The following GTSE1 variants were observed in gnomAD, a reference collection of about 807,000 sequenced individuals.
GTSE1 encodes the protein G2 and S phase-expressed protein 1.
In GTSE1, 52 loss-of-function variants were observed where a neutral mutation model predicts 60.5. The observed-to-expected ratio is 0.86, with a 90% CI of 0.69 to 1.08. The LOEUF (loss-of-function observed/expected upper bound fraction) is 1.08, where lower values mean the gene tolerates loss of function less well. Ranked by LOEUF, GTSE1 falls within the 50% of genes least tolerant of loss-of-function variation. The pLI is 0.00. For synonymous variants in GTSE1, 368 were observed against 386.5 expected (o/e 0.95, Z 0.56); for missense variants, 937 against 961.8 (o/e 0.97, Z 0.34).
rs762844693 is a variant in GTSE1, at chr22:46,316,190, G to A, written c.1210G>A (p.Glu404Lys). 13 of 1,613,676 alleles carry A rather than the reference G, an allele frequency of 8.1e-6. No homozygotes were observed. Among genetic ancestry groups the A allele is most frequent in the Non-Finnish European group, 9.3e-6 (11 of 1,179,922 alleles). The change falls in exon 7 of 12, where the codon GAG becomes AAG. Residue 404 changes from glutamate (E) to lysine (K), a missense_variant. Coordinates refer to ENST00000454366, the MANE Select transcript of GTSE1 (RefSeq NM_016426.7). This position sits in a 1 kb window ranked among gnomAD's most constrained non-coding sequence, Gnocchi z 5.0. ...GCAGGCCAAGCGGGTCGATGTTTCT[G>A]AGCTGGCAGCGGAGCAGCTCACGGC... ...SWQAKRVDVS[E>K]LAAEQLTAPP...
Position 46,310,754 on chromosome 22 carries a change from C to T in GTSE1, c.763-1387C>T, listed in dbSNP as rs2077743546. On this transcript the variant is annotated intron_variant, in intron 4 of 11. Transcript: ENST00000454366. This position sits in a 1 kb window ranked among gnomAD's most constrained non-coding sequence, Gnocchi z 4.4. The stretch of plus-strand genomic sequence containing the variant: ...GCCCAGCCCGGCCAACATGGTGAAA[C>T]CCCGTCTCTACAAAAAAATACAAAA... Among the ~76,000 whole-genome samples the T allele has an allele frequency of 6.6e-6, 1 of 152,208 alleles. No individual in the cohort carries two copies. The highest frequency in any genetic ancestry group is 2.4e-5 in the African/African-American group (1 of 41,442).
intron 4 of GTSE1, among the ~76,000 whole-genome samples, chr22:46,311,070 T>TG (rs2077745573): frequency 2.6e-5 from 4 of 151,822 alleles, no homozygotes; most frequent in African/African-American, 9.7e-5. Flanking sequence ...TTGTTTTTTT[T>TG]TTTGTTTTGT....
At position 46,308,741 on chromosome 22, in the gene GTSE1, C is replaced by T. The variant is rs760065053; in HGVS notation, c.560C>T (p.Ser187Phe). The T allele has an allele frequency of 1.3e-5, 21 of 1,613,242 alleles. No individual in the cohort carries two copies. In the East Asian group the frequency reaches 4.5e-4, roughly 34 times the overall value. Residue 187 changes from serine (S) to phenylalanine (F), a missense_variant, in exon 4 of 12, where the codon TCC (serine) becomes TTC (phenylalanine). Transcript: ENST00000454366. ...GGTGAGCCTCGGCTCTTGGCCTCCT[C>T]CCCGGCCCTGCCCAGCTCTGGTGCC... is the stretch of plus-strand genomic sequence containing the variant. ...PVGEPRLLAS[S>F]PALPSSGAQA...
In GTSE1 at chr22:46,330,231, T is replaced by C. The variant is rs936760638; in HGVS notation, c.*101T>C. 3 of 734,364 alleles carry C rather than the reference T, an allele frequency of 4.1e-6. No individual in the cohort carries two copies. In the African/African-American group the frequency reaches 5.2e-5, roughly 13 times the overall value. The allele number at this position is 734,364 out of a possible 1,614,324, so 45.5% of individuals were successfully genotyped here. ...TCGCAGTGGCTTACACTTGTAACCC[T>C]AGAACTTGGGAGGCTGAGGTGGGCG... On this transcript the variant is annotated 3_prime_UTR_variant, in exon 12 of 12. Coordinates refer to ENST00000454366, the MANE Select transcript of GTSE1 (RefSeq NM_016426.7). The surrounding 1 kb of genome is among the most constrained non-coding windows in gnomAD (Gnocchi z 6.0).
chr22:46,314,800 C>A lies in GTSE1; in HGVS notation c.1051+787C>A, dbSNP rs1271913275. 6.8e-6 allele frequency among the ~76,000 whole-genome samples: 1 copy of A among 146,194 alleles called. No individual in the cohort carries two copies. Among genetic ancestry groups the A allele is most frequent in the Non-Finnish European group, 1.5e-5 (1 of 67,408 alleles). ...CTGGGCCACGAGAATGGCTTGAACGCGGGAGGCAGAGGTTACCATGAGCCG... is the reference window on the plus strand; with the variant it reads ...CTGGGCCACGAGAATGGCTTGAACGAGGGAGGCAGAGGTTACCATGAGCCG... On this transcript the variant is annotated intron_variant, in intron 6 of 11. Coordinates refer to ENST00000454366, the MANE Select transcript of GTSE1 (RefSeq NM_016426.7). This position sits in a 1 kb window ranked among gnomAD's most constrained non-coding sequence, Gnocchi z 7.1.
At chr22:46,299,054 C>T (rs543628182) in intron 2 of GTSE1, among the ~76,000 whole-genome samples, 14 of 152,350 alleles carry the variant, frequency 9.2e-5, no homozygotes, top group Middle Eastern at 6.8e-3. Context: ...CAGTCGTTGA[C>T]GACTTCCACA....
At position 46,329,198 on chromosome 22, in the gene GTSE1, C is replaced by T. The variant is rs979743961; in HGVS notation, c.1927-160C>T. 1.7e-5 allele frequency: 12 copies of T among 709,836 alleles called. No individual in the cohort carries two copies. Among genetic ancestry groups the T allele is most frequent in the South Asian group, 4.8e-5 (3 of 62,548 alleles). The allele number at this position is 709,836 out of a possible 1,614,324, so 44.0% of individuals were successfully genotyped here. On this transcript the variant is annotated intron_variant, in intron 10 of 11. Coordinates refer to ENST00000454366, the MANE Select transcript of GTSE1 (RefSeq NM_016426.7). The surrounding 1 kb of genome is among the most constrained non-coding windows in gnomAD (Gnocchi z 6.4). ...GAGGTGGGCAACAGTCAGAGAGGCA[C>T]GGCCCACCCCATACAGAGCCTCCTT...
Position 46,330,397 on chromosome 22 carries a change from G to A in GTSE1, c.*267G>A. The A allele has an allele frequency of 2.7e-6, 1 of 371,470 alleles. No individual in the cohort carries two copies. Among genetic ancestry groups the A allele is most frequent in the East Asian group, 5.5e-5 (1 of 18,194 alleles). 23.0% of individuals were successfully genotyped at this position (371,470 alleles called of 1,614,324 possible). A position where few individuals can be genotyped will look rare whatever the true frequency, so the allele number is the denominator to read the frequency against. On this transcript the variant is annotated 3_prime_UTR_variant, in exon 12 of 12. Coordinates refer to ENST00000454366, the MANE Select transcript of GTSE1 (RefSeq NM_016426.7). This position sits in a 1 kb window ranked among gnomAD's most constrained non-coding sequence, Gnocchi z 6.0. ...CTTGGGAGGCTGAAGTGGGAGGATG[G>A]CCTGAGCTCAAGGAGATGCAGGCTG...
chr22:46,303,496 A>G (rs2077700735), intron 2 of GTSE1, among the ~76,000 whole-genome samples: 1 of 152,160 alleles, frequency 6.6e-6, no homozygotes, highest in Non-Finnish European at 1.5e-5. Context: ...GCATCTGTGC[A>G]GTGTGATCAT....
rs1601907169 is a variant in GTSE1 at position 46,312,229 on chromosome 22, C to T, written c.851C>T (p.Ala284Val). The change falls in exon 5 of 12, where the codon GCC (alanine) becomes GTC (valine). Residue 284 changes from alanine (A) to valine (V), a missense_variant. Ala to Val is a moderately conservative substitution (Grantham distance 64). Transcript: ENST00000454366. ...CGGGATGTTCTCCCTGACAAACCTG[C>T]CCCGGGTGCTGTCAATGTGCCGGCC... ...SHRDVLPDKPAPGAVNVPAAG... is the reference protein window; with the variant it reads ...SHRDVLPDKPVPGAVNVPAAG... 1.2e-6 allele frequency: 2 copies of T among 1,614,152 alleles called. No individual in the cohort carries two copies. The highest frequency in any genetic ancestry group is 1.7e-6 in the Non-Finnish European group (2 of 1,179,984).
At chr22:46,322,459 GC>G (rs2077818944) in intron 7 of GTSE1, among the ~76,000 whole-genome samples, 1 of 152,144 alleles carries the variant, frequency 6.6e-6, no homozygotes, top group Non-Finnish European at 1.5e-5. Context: ...GGCTTTGGAG[GC>G]CCCAGAGCAC....
chr22:46,326,418 T>C lies in GTSE1; in HGVS notation c.1506-18T>C. 6.3e-7 allele frequency: 1 copy of C among 1,577,162 alleles called. No individual in the cohort carries two copies. The highest frequency in any genetic ancestry group is 8.7e-7 in the Non-Finnish European group (1 of 1,150,408). ...TCTATGTCATCTCAGCTCACGACAC[T>C]GATGTTGTGTTTGCCAGGGTCACTG... On this transcript the variant is annotated intron_variant, in intron 8 of 11. Coordinates refer to ENST00000454366, the MANE Select transcript of GTSE1 (RefSeq NM_016426.7).
At position 46,329,335 on chromosome 22, in the gene GTSE1, C is replaced by G; in HGVS notation, c.1927-23C>G. The G allele has an allele frequency of 6.3e-7, 1 of 1,582,394 alleles. No homozygotes were observed. The stretch of plus-strand genomic sequence containing the variant: ...TGCCAGAAAGATGCTGGACTCTGCT[C>G]TTAACCTTGGTTTTGTACCCAGGCT... On this transcript the variant is annotated intron_variant, in intron 10 of 11. Coordinates refer to ENST00000454366, the MANE Select transcript of GTSE1 (RefSeq NM_016426.7). The surrounding 1 kb of genome is among the most constrained non-coding windows in gnomAD (Gnocchi z 6.4).
At chr22:46,326,861 G>A (rs6008702) in intron 9 of GTSE1, 12 of 483,222 alleles carry the variant, frequency 2.5e-5, no homozygotes, top group Middle Eastern at 5.2e-4. Flanking sequence ...GAAATACTGC[G>A]TGTAATTCTC....
Position 46,304,626 on chromosome 22 carries a change from G to A in GTSE1, c.80-3524G>A, listed in dbSNP as rs923303359. Among the ~76,000 whole-genome samples, 2 of 152,174 alleles carry A rather than the reference G, an allele frequency of 1.3e-5. No homozygotes were observed. The highest frequency in any genetic ancestry group is 4.8e-5 in the African/African-American group (2 of 41,438). On this transcript the variant is annotated intron_variant, in intron 2 of 11. Coordinates refer to ENST00000454366, the MANE Select transcript of GTSE1 (RefSeq NM_016426.7). This position sits in a 1 kb window ranked among gnomAD's most constrained non-coding sequence, Gnocchi z 4.4. ...CATGAAATGCAGGGAGCTTGGTTGTGTTATGTTATTACCACTTTAATGTTT... is the reference window on the plus strand; with the variant it reads ...CATGAAATGCAGGGAGCTTGGTTGTATTATGTTATTACCACTTTAATGTTT...
At chr22:46,300,311 C>T (rs868307338) in intron 2 of GTSE1, among the ~76,000 whole-genome samples, 54 of 151,764 alleles carry the variant, frequency 3.6e-4, no homozygotes, top group Middle Eastern at 6.8e-3. Flanking sequence ...TTGGTCAGGA[C>T]GGTCTCGAAC....
At position 46,320,707 on chromosome 22, in the gene GTSE1, G is replaced by C. The variant is rs1281642950; in HGVS notation, c.1433-2483G>C. Among the ~76,000 whole-genome samples, 5 of 152,242 alleles carry C rather than the reference G, an allele frequency of 3.3e-5. No homozygotes were observed. Among genetic ancestry groups the C allele is most frequent in the African/African-American group, 1.2e-4 (5 of 41,462 alleles). ...ATGTTGCTATTTACTATGAGTCCAT[G>C]CTGCCGGGTCACCCAGAGGATTGAG... On this transcript the variant is annotated intron_variant, in intron 7 of 11. Coordinates refer to ENST00000454366, the MANE Select transcript of GTSE1 (RefSeq NM_016426.7). The surrounding 1 kb of genome is among the most constrained non-coding windows in gnomAD (Gnocchi z 7.1).
chr22:46,298,642 T>C (rs1395290522), intron 2 of GTSE1, among the ~76,000 whole-genome samples: 1 of 152,216 alleles, frequency 6.6e-6, no homozygotes, highest in Non-Finnish European at 1.5e-5. Context: ...TTGCAGGAAC[T>C]GTCCTGGAGA....
At position 46,308,652 on chromosome 22, in the gene GTSE1, C is replaced by G; in HGVS notation, c.471C>G (p.Ser157Arg). The change falls in exon 4 of 12, where the codon AGC becomes AGG. Residue 157 changes from serine to arginine, a missense_variant. Coordinates refer to ENST00000454366, the MANE Select transcript of GTSE1 (RefSeq NM_016426.7). The part of the protein sequence containing the change: ...LFEKEKEMKK[S>R]PTSLKRETYY... ...AGAAAGAAAAGGAAATGAAGAAAAG[C>G]CCCACGTCTCTTAAAAGGGAGACAT... The G allele has an allele frequency of 6.2e-7, 1 of 1,613,980 alleles. No homozygotes were observed. The highest frequency in any genetic ancestry group is 8.5e-7 in the Non-Finnish European group (1 of 1,180,012).
Sources: allele counts gnomAD v4.1 joint callset (sites outside exome capture counted in the v4.1 genomes callset), GRCh38; gene constraint gnomAD v4.1.1; non-coding constraint Gnocchi (gnomAD v3.1); transcripts MANE v1.5; gene names NCBI Gene and HGNC (gene_info 2026-07-23, HGNC 2026-07-21).